EMC3: variants seen among roughly 807,000 people sequenced by gnomAD.
The protein encoded by EMC3 is 30 kDa protein.
Under a neutral mutation model 36.6 loss-of-function variants are expected in EMC3, and 13 were observed. The observed-to-expected ratio is 0.35, with a 90% CI of 0.23 to 0.56. The LOEUF (loss-of-function observed/expected upper bound fraction) is 0.56, where lower values mean the gene tolerates loss of function less well. Among genes scored for constraint, EMC3 ranks in the 20% least tolerant of loss-of-function variants. The pLI is 0.84. For missense variants in EMC3, 220 were observed against 324.5 expected, an observed-to-expected ratio of 0.68 and a Z score of 2.47; for synonymous variants, 120 against 111.9, an observed-to-expected ratio of 1.07 and a Z score of -0.46.
chr3:9,990,839 TTTA>T (rs200413301), upstream of EMC3, among the ~76,000 whole-genome samples: 1,031 of 145,170 alleles, frequency 7.1e-3, 13 homozygotes, highest in African/African-American at 0.027. Flanking sequence ...TATTTATTTA[TTTA>T]TTTTTTGAGA....
chr3:9,970,982 G>C (rs2085779597), intron 5 of EMC3, among the ~76,000 whole-genome samples: 1 of 152,038 alleles, frequency 6.6e-6, no homozygotes, highest in South Asian at 2.1e-4. Context: ...GAGTGCAGTG[G>C]CGCAATCTTG....
chr3:9,994,114 A>G (rs1193446551), intron 1 of EMC3: 1 of 1,469,514 alleles, frequency 6.8e-7, no homozygotes, highest in Admixed American at 1.7e-5. Flanking sequence ...TGACATTCCA[A>G]AAGGATAAGC....
At chr3:9,975,815 G>GAAAA (rs56879267) in intron 3 of EMC3, among the ~76,000 whole-genome samples, 7 of 88,064 alleles carry the variant, frequency 7.9e-5, no homozygotes, top group Admixed American at 1.3e-4. Context: ...CCTTTCTGAA[G>GAAAA]AAAAAAAAAA....
At chr3:9,977,656 TG>T (rs1211539314) in intron 1 of EMC3, among the ~76,000 whole-genome samples, 1 of 152,184 alleles carries the variant, frequency 6.6e-6, no homozygotes, top group Non-Finnish European at 1.5e-5. Context: ...TTTTCAAAAG[TG>T]ACTGTGTTTC....
chr3:9,980,545 G>GTTTTTTTT (rs1368340718), intron 1 of EMC3, among the ~76,000 whole-genome samples: 3 of 135,298 alleles, frequency 2.2e-5, no homozygotes, highest in African/African-American at 2.8e-5. Flanking sequence ...TTTGTGTTTT[G>GTTTTTTTT]TTTTTTTTGT....
chr3:9,996,207 G>A (rs372728669), intron 1 of EMC3, among the ~76,000 whole-genome samples: 3 of 152,218 alleles, frequency 2.0e-5, no homozygotes, highest in East Asian at 1.9e-4. Flanking sequence ...ACTTTGGGAG[G>A]CCAAGGCAGG....
At chr3:9,971,242 G>A (rs2085782851) in intron 5 of EMC3, among the ~76,000 whole-genome samples, 1 of 152,180 alleles carries the variant, frequency 6.6e-6, no homozygotes, top group Non-Finnish European at 1.5e-5. Context: ...AAGAAGGGAT[G>A]AGACATGGAT....
In EMC3 at chr3:10,007,740, A is replaced by C. The variant is rs916843097; in HGVS notation, c.-242+3283T>G. On this transcript the variant is annotated intron_variant, in intron 1 of 8. Transcript: ENST00000470827. The stretch of plus-strand genomic sequence containing the variant: ...TCTGTGGGTGCAGATGCCCATCAGC[A>C]CCCATCAAGGAGCTTCCTTGTGGGT... 5 of 1,062,338 alleles carry C rather than the reference A, an allele frequency of 4.7e-6. No individual in the cohort carries two copies. In the African/African-American group the frequency reaches 8.4e-5, roughly 18 times the overall value. The allele number at this position is 1,062,338 out of a possible 1,614,324, so 65.8% of individuals were successfully genotyped here. A position where few individuals can be genotyped will look rare whatever the true frequency, so the allele number is the denominator to read the frequency against.
intron 7 of EMC3, among the ~76,000 whole-genome samples, chr3:9,965,242 A>G (rs2085725116): frequency 1.3e-5 from 2 of 152,008 alleles, no homozygotes; most frequent in South Asian, 2.1e-4. Context: ...TCCCATCTCT[A>G]TACAAATTTA....
chr3:9,976,386 G>C (rs965332958), intron 3 of EMC3, among the ~76,000 whole-genome samples: 6 of 152,176 alleles, frequency 3.9e-5, no homozygotes, highest in Non-Finnish European at 7.3e-5. Flanking sequence ...AAGGATTATA[G>C]GCGTGAGCCA....
chr3:9,982,788 G>A (rs1226747401), intron 1 of EMC3, among the ~76,000 whole-genome samples: 1 of 151,926 alleles, frequency 6.6e-6, no homozygotes, highest in Admixed American at 6.6e-5. Context: ...TCGAGAGGCT[G>A]AGGTGGGAGG....
chr3:9,973,552 T>A, intron 5 of EMC3, 76 bp downstream of exon 5: 4 of 1,360,790 alleles, frequency 2.9e-6, no homozygotes, highest in Non-Finnish European at 4.2e-6. Flanking sequence ...CTCAAACTCA[T>A]GGGCTCAAGT....
intron 1 of EMC3, among the ~76,000 whole-genome samples, chr3:9,983,207 CAGCCAT>C (rs2085930719): frequency 6.6e-6 from 1 of 151,226 alleles, no homozygotes; most frequent in South Asian, 2.1e-4. Flanking sequence ...AAGTGCAGTG[CAGCCAT>C]CTCGGCTCTC....
chr3:9,991,011 G>A (rs1182562897), upstream of EMC3, among the ~76,000 whole-genome samples: 1 of 151,928 alleles, frequency 6.6e-6, no homozygotes, highest in Non-Finnish European at 1.5e-5. Flanking sequence ...TGTATTTTTA[G>A]TAGAGACGGG....
At chr3:9,973,573 C>T in intron 5 of EMC3, 55 bp downstream of exon 5, 1 of 1,511,208 alleles carries the variant, frequency 6.6e-7, no homozygotes, top group Non-Finnish European at 9.2e-7. Flanking sequence ...GATCCTCCCG[C>T]CTTGGCTTCC....
intron 1 of EMC3, chr3:10,007,050 G>GCTTTGCACCCT: frequency 3.4e-6 from 1 of 296,450 alleles, no homozygotes; most frequent in Non-Finnish European, 6.6e-6. Context: ...ACACTCTGCT[G>GCTTTGCACCCT]CTTTGCACCC....
intron 1 of EMC3, chr3:10,000,776 T>G (rs925579155): frequency 4.1e-6 from 2 of 486,540 alleles, no homozygotes; most frequent in African/African-American, 3.9e-5. Context: ...TCTCCCCAGG[T>G]GATGCCTTTG....
chr3:9,991,404 C>G (rs184901371), upstream of EMC3, among the ~76,000 whole-genome samples: 19 of 152,252 alleles, frequency 1.2e-4, no homozygotes, highest in South Asian at 4.1e-4. Flanking sequence ...AATTTTTTCT[C>G]TTCATATACA....
At position 9,964,038 on chromosome 3, in the gene EMC3, G is replaced by A. The variant is rs1426839007; in HGVS notation, c.*31C>T. On this transcript the variant is annotated 3_prime_UTR_variant, in exon 8 of 8. Coordinates refer to ENST00000245046, the MANE Select transcript of EMC3 (RefSeq NM_001394674.1). Reference sequence around the variant, plus strand: ...GTTACAAGGTTAAGTGCAACTCCAAGTTCCTGACACAGCTAATCCCTGCTC... The same window carrying A: ...GTTACAAGGTTAAGTGCAACTCCAAATTCCTGACACAGCTAATCCCTGCTC... 2 of 1,611,764 alleles carry A rather than the reference G, an allele frequency of 1.2e-6. No homozygotes were observed. The highest frequency in any genetic ancestry group is 1.7e-5 in the Admixed American group (1 of 59,546).
Sources: allele counts gnomAD v4.1 joint callset (sites outside exome capture counted in the v4.1 genomes callset), GRCh38; gene constraint gnomAD v4.1.1; transcripts MANE v1.5; gene names NCBI Gene and HGNC (gene_info 2026-07-23, HGNC 2026-07-21).